Variants in MCCC1 observed in about 807,000 individuals in gnomAD.
The protein encoded by MCCC1 is methylcrotonoyl-CoA carboxylase subunit alpha, mitochondrial.
In MCCC1, 64 loss-of-function variants were observed where a neutral mutation model predicts 83.8. The observed-to-expected ratio is 0.76, with a 90% CI of 0.62 to 0.94. The LOEUF (loss-of-function observed/expected upper bound fraction) is 0.94, where lower values mean the gene tolerates loss of function less well. MCCC1 is among the 40% of genes least tolerant of loss of function. The pLI is 0.00. For missense variants in MCCC1, 807 were observed against 904.7 expected, an observed-to-expected ratio of 0.89 and a Z score of 1.39; for synonymous variants, 322 against 315.4, an observed-to-expected ratio of 1.02 and a Z score of -0.22.
chr3:183,037,091 C>A lies in MCCC1; in HGVS notation c.1594+127G>T, dbSNP rs143318455. On this transcript the variant is annotated intron_variant, in intron 13 of 18. Transcript: ENST00000265594. ...CTTTCCTTCATACTAAAAAACACATCTGAAAAGAATGGTGTCAGTCACTGA... is the reference window on the plus strand; with the variant it reads ...CTTTCCTTCATACTAAAAAACACATATGAAAAGAATGGTGTCAGTCACTGA... The A allele has an allele frequency of 1.9e-3, 1,729 of 898,638 alleles. 19 individuals are homozygous for A. In the African/African-American group the frequency reaches 0.025, roughly 13 times the overall value. The allele number at this position is 898,638 out of a possible 1,614,324, so 55.7% of individuals were successfully genotyped here. A position where few individuals can be genotyped will look rare whatever the true frequency, so the allele number is the denominator to read the frequency against.
chr3:183,020,093 C>G (rs753960309), intron 17 of MCCC1, 37 bp downstream of exon 17: 24 of 1,512,640 alleles, frequency 1.6e-5, no homozygotes, highest in Non-Finnish European at 1.8e-5. Context: ...CGTATTAAAA[C>G]TTACTGAACA....
intron 3 of MCCC1, chr3:183,091,131 C>A (rs1718299668): frequency 2.3e-6 from 1 of 432,864 alleles, no homozygotes; most frequent in Admixed American, 2.5e-5. Flanking sequence ...GGCTAGAGAG[C>A]CACAAGGGCC....
Position 183,064,423 on chromosome 3 carries a change from C to G in MCCC1, c.761+6576G>C, listed in dbSNP as rs1037734152. Among the ~76,000 whole-genome samples, 7 of 152,186 alleles carry G rather than the reference C, an allele frequency of 4.6e-5. No homozygotes were observed. Among genetic ancestry groups the G allele is most frequent in the African/African-American group, 1.7e-4 (7 of 41,448 alleles). ...AGGGACTGCAGGAAACGCCTCCCTT[C>G]CTGGCTTCCCTCGCTCCAGGAGACG... On this transcript the variant is annotated intron_variant, in intron 7 of 18. Coordinates refer to ENST00000265594, the MANE Select transcript of MCCC1 (RefSeq NM_020166.5). The surrounding 1 kb of genome is among the most constrained non-coding windows in gnomAD (Gnocchi z 4.5).
At chr3:183,090,840 G>A (rs547255899) in intron 3 of MCCC1, 130 of 354,116 alleles carry the variant, frequency 3.7e-4, no homozygotes, top group Middle Eastern at 2.3e-3. Context: ...CATCTGCCTC[G>A]GCTTCCCAAA....
intron 4 of MCCC1, among the ~76,000 whole-genome samples, chr3:183,077,403 T>C (rs573842675): frequency 6.6e-6 from 1 of 152,318 alleles, no homozygotes; most frequent in East Asian, 1.9e-4. Flanking sequence ...CCAATACTTG[T>C]TATCATCTCT....
Position 183,099,429 on chromosome 3 carries a change from G to A in MCCC1, c.12C>T (p.Ala4=), listed in dbSNP as rs779772103. Residue 4 remains alanine (A), a synonymous_variant, in exon 1 of 19, where the codon GCC becomes GCT. Transcript: ENST00000265594. The part of the protein sequence containing the change: MAA[A]SAVSVLLVAA... The stretch of plus-strand genomic sequence containing the variant: ...CCACCAGCAGCACCGACACCGCAGA[G>A]GCCGCCGCCATGTCCCTGGAGCCCG... 1.2e-6 allele frequency: 2 copies of A among 1,605,638 alleles called. No individual in the cohort carries two copies. The highest frequency in any genetic ancestry group is 1.7e-5 in the Admixed American group (1 of 59,350).
At chr3:183,025,582 T>C (rs369198000) in intron 15 of MCCC1, among the ~76,000 whole-genome samples, 173 bp downstream of exon 15, 59 of 152,304 alleles carry the variant, frequency 3.9e-4, no homozygotes, top group East Asian at 1.5e-3. Context: ...AGTTAGAAAC[T>C]GTATAGGGGG....
intron 10 of MCCC1, 48 bp from the exon 11 acceptor site, chr3:183,041,798 C>G: frequency 6.2e-7 from 1 of 1,601,216 alleles, no homozygotes; most frequent in African/African-American, 1.3e-5. Context: ...ATAGCGGCTA[C>G]CAGACTTAGT....
chr3:183,028,092 G>A (rs932388823), intron 14 of MCCC1, among the ~76,000 whole-genome samples: 1 of 152,120 alleles, frequency 6.6e-6, no homozygotes, highest in South Asian at 2.1e-4. Context: ...TCTTTCTAGG[G>A]GTTAATGCAG....
intron 1 of MCCC1, among the ~76,000 whole-genome samples, chr3:183,113,735 T>C (rs964416056): frequency 1.1e-4 from 17 of 150,210 alleles, no homozygotes; most frequent in African/African-American, 3.4e-4. Context: ...AAAAAAAGGG[T>C]CCTTTATAAT....
intron 4 of MCCC1, among the ~76,000 whole-genome samples, chr3:183,075,623 C>T (rs997654124): frequency 1.3e-5 from 2 of 150,804 alleles, no homozygotes. Flanking sequence ...TCATTGCAAC[C>T]TCTGCTTCCC....
rs149017703 is a variant in MCCC1, at chr3:183,020,165, C to A, written c.1942G>T (p.Gly648Cys). ...SSVSSQETQG[G>C]PLAPMTGTIE... Reference sequence around the variant, plus strand: ...GTTCCAGTCATAGGAGCTAAGGGGCCGCCCTGAGTTTCTTGTGAGCTCACA... The same window carrying A: ...GTTCCAGTCATAGGAGCTAAGGGGCAGCCCTGAGTTTCTTGTGAGCTCACA... Residue 648 changes from glycine to cysteine, a missense_variant, in exon 17 of 19, where the codon GGC (glycine) becomes TGC (cysteine). Gly to Cys is a radical substitution (Grantham distance 159). Transcript: ENST00000265594. 1 of 1,613,998 alleles carries A rather than the reference C, an allele frequency of 6.2e-7. No homozygotes were observed. The highest frequency in any genetic ancestry group is 1.7e-5 in the Admixed American group (1 of 60,026).
intron 3 of MCCC1, among the ~76,000 whole-genome samples, chr3:183,091,796 T>C (rs920414003): frequency 2.0e-5 from 3 of 152,028 alleles, no homozygotes; most frequent in African/African-American, 7.2e-5. Context: ...TTTGGCACTT[T>C]GGGAGGCCAA....
At chr3:183,089,412 C>G (rs2108559053) in intron 3 of MCCC1, among the ~76,000 whole-genome samples, 1 of 152,124 alleles carries the variant, frequency 6.6e-6, no homozygotes, top group South Asian at 2.1e-4. Context: ...CCTATAATCC[C>G]AGCGCTTTGG....
At chr3:183,045,292 C>G in intron 10 of MCCC1, 121 bp downstream of exon 10, 3 of 1,145,812 alleles carry the variant, frequency 2.6e-6, no homozygotes, top group Non-Finnish European at 3.8e-6. Flanking sequence ...ATTGGCCAGG[C>G]TGGTCTCGAA....
At chr3:183,111,997 A>G (rs1166654964) in intron 1 of MCCC1, among the ~76,000 whole-genome samples, 2 of 152,212 alleles carry the variant, frequency 1.3e-5, no homozygotes, top group Non-Finnish European at 2.9e-5. Flanking sequence ...TTTAAAAAAA[A>G]AAACATTCCT....
At position 183,107,131 on chromosome 3, in the gene MCCC1, G is replaced by A. The variant is rs552134122; in HGVS notation, c.-102+8343C>T. On this transcript the variant is annotated intron_variant, in intron 1 of 17. Transcript: ENST00000492597. ...AAAGAAAACACTGTAGTGGCCAGGC[G>A]CAGTGGCTCACGCCTGTAATCCCAG... is the stretch of plus-strand genomic sequence containing the variant. Among the ~76,000 whole-genome samples, 8 of 152,150 alleles carry A rather than the reference G, an allele frequency of 5.3e-5. No homozygotes were observed. The South Asian group carries it at 6.2e-4, about 12-fold the overall frequency.
intron 11 of MCCC1, among the ~76,000 whole-genome samples, chr3:183,039,857 G>A (rs141718555): frequency 0.012 from 1,860 of 152,096 alleles, 33 homozygotes; most frequent in African/African-American, 0.043. Flanking sequence ...AAGACTTTGG[G>A]AGGCCGAGGT....
At chr3:183,026,657 C>G (rs892836222) in intron 14 of MCCC1, among the ~76,000 whole-genome samples, 3 of 152,104 alleles carry the variant, frequency 2.0e-5, no homozygotes, top group African/African-American at 7.2e-5. Context: ...TTGCAGTGAG[C>G]TGAGATCGCA....
Sources: gnomAD v4.1 joint callset for allele counts (sites outside exome capture counted in the v4.1 genomes callset) on GRCh38, gnomAD v4.1.1 for gene constraint, Gnocchi (gnomAD v3.1) non-coding constraint, MANE v1.5 for transcripts, NCBI Gene and HGNC (gene_info 2026-07-23, HGNC 2026-07-21) for gene names.